The following ME1 variants were observed in gnomAD, a reference collection of about 807,000 sequenced individuals.
ME1 encodes malic enzyme 1.
A neutral mutation model predicts 66.4 loss-of-function variants in ME1; 74 were observed. That is an observed-to-expected ratio of 1.11 (90% CI 0.92 to 1.35). ME1 has a LOEUF of 1.35. Among genes scored for constraint, ME1 ranks in the 40% most tolerant of loss-of-function variants. ME1 has a pLI of 0.00. For missense variants in ME1, 750 were observed against 694.1 expected (o/e 1.08, Z -0.90); for synonymous variants, 251 against 235.6 (o/e 1.07, Z -0.60).
In ME1 at chr6:83,429,364, G is replaced by A. The variant is rs117742161; in HGVS notation, c.78+1513C>T. The stretch of plus-strand genomic sequence containing the variant: ...TCATGCCATCTACATACTCTTAATA[G>A]ACACTCTTGCCCCCAACTTGAGGAA... On this transcript the variant is annotated intron_variant, in intron 1 of 13. Transcript: ENST00000369705. Among the ~76,000 whole-genome samples the A allele has an allele frequency of 1.0e-2, 1,519 of 152,222 alleles. 15 individuals carry two copies. Among genetic ancestry groups the A allele is most frequent in the Admixed American group, 0.018 (268 of 15,290 alleles).
chr6:83,266,167 TA>T (rs1270170564), intron 6 of ME1, among the ~76,000 whole-genome samples: 6 of 152,164 alleles, frequency 3.9e-5, no homozygotes, highest in African/African-American at 1.4e-4. Flanking sequence ...TCTTCGTTTT[TA>T]AAAAAATCAA....
At chr6:83,285,949 T>C (rs1767388943) in intron 6 of ME1, among the ~76,000 whole-genome samples, 1 of 152,194 alleles carries the variant, frequency 6.6e-6, no homozygotes, top group African/African-American at 2.4e-5. Flanking sequence ...ATGTTTAAAA[T>C]TCAGCCAAAA....
At chr6:83,404,336 C>T (rs1769894517) in intron 2 of ME1, among the ~76,000 whole-genome samples, 1 of 152,092 alleles carries the variant, frequency 6.6e-6, no homozygotes, top group Non-Finnish European at 1.5e-5. Context: ...CCTTTGCCCA[C>T]TTTTTGATGG....
intron 11 of ME1, among the ~76,000 whole-genome samples, chr6:83,225,205 CA>C (rs146673365): frequency 0.18 from 7,118 of 40,510 alleles, 93 homozygotes; most frequent in East Asian, 0.3. Flanking sequence ...GACTCCATCT[CA>C]AAAAAAAAAA....
Position 83,211,784 on chromosome 6 carries a change from ATTC to A in ME1, c.*137_*139del. ...GATGTTTATCCCAATTTATATCGAT[ATTC>A]TTCTATCAATTTTTAGACTGTTAAA... On this transcript the variant is annotated 3_prime_UTR_variant, in exon 14 of 14. Transcript: ENST00000369705. 1.8e-6 allele frequency: 1 copy of A among 549,806 alleles called. No homozygotes were observed. Among genetic ancestry groups the A allele is most frequent in the Non-Finnish European group, 2.9e-6 (1 of 347,194 alleles). The allele number at this position is 549,806 out of a possible 1,614,324, so 34.1% of individuals were successfully genotyped here.
chr6:83,334,280 C>A (rs1354024334), intron 5 of ME1, among the ~76,000 whole-genome samples: 127 of 134,986 alleles, frequency 9.4e-4, no homozygotes, highest in South Asian at 2.1e-3. Context: ...CGGCGCACCA[C>A]GAGACTATAT....
At chr6:83,356,006 C>T (rs1768882855) in intron 3 of ME1, among the ~76,000 whole-genome samples, 1 of 152,074 alleles carries the variant, frequency 6.6e-6, no homozygotes, top group South Asian at 2.1e-4. Context: ...ATAGTTCAAA[C>T]TTTTCTCATA....
At chr6:83,270,691 T>G (rs772283039) in intron 6 of ME1, among the ~76,000 whole-genome samples, 1 of 152,218 alleles carries the variant, frequency 6.6e-6, no homozygotes, top group Non-Finnish European at 1.5e-5. Context: ...AACATGCTTC[T>G]ATAAACTAAT....
chr6:83,349,415 A>G (rs1768755370), intron 4 of ME1, among the ~76,000 whole-genome samples: 2 of 151,906 alleles, frequency 1.3e-5, no homozygotes, highest in Admixed American at 1.3e-4. Flanking sequence ...TATCAGTAAG[A>G]CAACTACAAT....
intron 6 of ME1, among the ~76,000 whole-genome samples, chr6:83,277,817 G>A (rs1450864325): frequency 7.2e-5 from 11 of 151,804 alleles, no homozygotes; most frequent in Admixed American, 1.3e-4. Context: ...CAGGAGAATC[G>A]CTTGAACCTG....
rs76502681 is a variant in ME1 at position 83,305,547 on chromosome 6, GA to G, written c.704+9762del. 3.0e-4 allele frequency among the ~76,000 whole-genome samples: 46 copies of G among 151,438 alleles called. No individual in the cohort carries two copies. The East Asian group carries it at 8.7e-3, about 29-fold the overall frequency. On this transcript the variant is annotated intron_variant, in intron 6 of 13. Coordinates refer to ENST00000369705, the MANE Select transcript of ME1 (RefSeq NM_002395.6). ...ATTTTAGACAGAGGGAAAAGCAAGT[GA>G]AAATATTCTAAGGAACATGCCTTGA...
intron 2 of ME1, among the ~76,000 whole-genome samples, chr6:83,405,675 T>C (rs919917299): frequency 1.3e-5 from 2 of 151,614 alleles, no homozygotes; most frequent in Non-Finnish European, 1.5e-5. Flanking sequence ...TTGAGATATG[T>C]CCCATCAGTA....
intron 6 of ME1, among the ~76,000 whole-genome samples, chr6:83,312,682 G>A (rs1453678236): frequency 6.6e-6 from 1 of 152,134 alleles, no homozygotes; most frequent in Non-Finnish European, 1.5e-5. Flanking sequence ...GGCTATTGGT[G>A]GGTCCATGTT....
Position 83,385,413 on chromosome 6 carries a change from T to C in ME1, c.362+12954A>G, listed in dbSNP as rs911110263. ...ATTTTTCTTAATTCTCCATATGCTATGTGTAAACTTAAGTCAAAACACCTG... is the reference window on the plus strand; with the variant it reads ...ATTTTTCTTAATTCTCCATATGCTACGTGTAAACTTAAGTCAAAACACCTG... On this transcript the variant is annotated intron_variant, in intron 3 of 13. Coordinates refer to ENST00000369705, the MANE Select transcript of ME1 (RefSeq NM_002395.6). 9.2e-5 allele frequency among the ~76,000 whole-genome samples: 14 copies of C among 151,930 alleles called. No individual in the cohort carries two copies. In the South Asian group the frequency reaches 1.7e-3, roughly 18 times the overall value.
At chr6:83,349,839 T>A (rs1562487388) in intron 4 of ME1, among the ~76,000 whole-genome samples, 1 of 152,218 alleles carries the variant, frequency 6.6e-6, no homozygotes, top group Non-Finnish European at 1.5e-5. Flanking sequence ...AACACTCAGC[T>A]TTAGTCAGGC....
chr6:83,289,452 T>C (rs1182285438), intron 6 of ME1, among the ~76,000 whole-genome samples: 1 of 152,228 alleles, frequency 6.6e-6, no homozygotes, highest in African/African-American at 2.4e-5. Flanking sequence ...TGGATTTTGT[T>C]TATTGATTTG....
chr6:83,342,474 C>T (rs1368113355), intron 5 of ME1, among the ~76,000 whole-genome samples: 1 of 152,174 alleles, frequency 6.6e-6, no homozygotes, highest in East Asian at 1.9e-4. Context: ...AGATTCAGAG[C>T]ATCCTGCTGG....
At chr6:83,396,980 A>G (rs1268678558) in intron 3 of ME1, among the ~76,000 whole-genome samples, 1 of 152,208 alleles carries the variant, frequency 6.6e-6, no homozygotes, top group Non-Finnish European at 1.5e-5. Context: ...CATATTAAAA[A>G]AAATCAACTC....
intron 4 of ME1, among the ~76,000 whole-genome samples, chr6:83,350,145 A>G (rs922647066): frequency 6.6e-6 from 1 of 152,182 alleles, no homozygotes; most frequent in Non-Finnish European, 1.5e-5. Context: ...ACCATATAAG[A>G]TACACTTACC....
Sources: allele counts gnomAD v4.1 joint callset (sites outside exome capture counted in the v4.1 genomes callset), GRCh38; gene constraint gnomAD v4.1.1; transcripts MANE v1.5; gene names NCBI Gene and HGNC (gene_info 2026-07-23, HGNC 2026-07-21).